The following REEP3 variants were observed in gnomAD, a reference collection of about 807,000 sequenced individuals.
REEP3 encodes the protein receptor expression-enhancing protein 3.
Under a neutral mutation model 41.3 loss-of-function variants are expected in REEP3, and 20 were observed. That is an observed-to-expected ratio of 0.48 (90% CI 0.34 to 0.70). The LOEUF is 0.70. Ranked by LOEUF, REEP3 falls within the 30% of genes least tolerant of loss-of-function variation. The pLI, the probability that REEP3 is intolerant of heterozygous loss-of-function variation, is 0.01. For synonymous variants in REEP3, 104 were observed against 101.8 expected, an observed-to-expected ratio of 1.02 and a Z score of -0.13; for missense variants, 271 against 308.8, an observed-to-expected ratio of 0.88 and a Z score of 0.92.
At chr10:63,604,184 G>A (rs772613149) in intron 5 of REEP3, among the ~76,000 whole-genome samples, 8 of 152,194 alleles carry the variant, frequency 5.3e-5, no homozygotes, top group South Asian at 2.1e-4. Context: ...TTATTACACC[G>A]TAAAGCAATT....
At position 63,594,769 on chromosome 10, in the gene REEP3, T is replaced by C. The variant is rs1368823626; in HGVS notation, c.106-9T>C. ...TCTGTTGTTTCATGAGTATTTTTAT[T>C]ATTTCCAGGTTCGATGGATGATGTA... is the stretch of plus-strand genomic sequence containing the variant. On this transcript the variant is annotated splice_polypyrimidine_tract_variant and intron_variant, in intron 2 of 7. Coordinates refer to ENST00000373758, the MANE Select transcript of REEP3 (RefSeq NM_001001330.3). The C allele has an allele frequency of 6.3e-7, 1 of 1,577,580 alleles. No individual in the cohort carries two copies. The highest frequency in any genetic ancestry group is 8.7e-7 in the Non-Finnish European group (1 of 1,146,858).
In REEP3 at chr10:63,566,425, AT is replaced by A. The variant is rs1242939118; in HGVS notation, c.105+16del. 1 of 1,340,236 alleles carries A rather than the reference AT, an allele frequency of 7.5e-7. No homozygotes were observed. Among genetic ancestry groups the A allele is most frequent in the African/African-American group, 1.5e-5 (1 of 68,698 alleles). The allele number at this position is 1,340,236 out of a possible 1,614,324, so 83.0% of individuals were successfully genotyped here. ...TGAAGGAATATGTAAGTATAGTTTTATGAGTGATTAATCTGAGTTTAATATT... is the reference window on the plus strand; with the variant it reads ...TGAAGGAATATGTAAGTATAGTTTTAGAGTGATTAATCTGAGTTTAATATT... On this transcript the variant is annotated intron_variant, in intron 2 of 7. Transcript: ENST00000373758.
At chr10:63,525,667 C>T (rs1202258346) in intron 1 of REEP3, among the ~76,000 whole-genome samples, 1 of 152,192 alleles carries the variant, frequency 6.6e-6, no homozygotes, top group East Asian at 1.9e-4. Flanking sequence ...GATCCTCCCA[C>T]CTCAGCCTCC....
intron 1 of REEP3, among the ~76,000 whole-genome samples, chr10:63,552,948 G>A (rs1229257012): frequency 1.3e-5 from 2 of 152,224 alleles, no homozygotes; most frequent in African/African-American, 4.8e-5. Context: ...TTTTCTTGTA[G>A]TAAGAAAGTA....
At chr10:63,614,151 A>G (rs1005026486) in intron 6 of REEP3, among the ~76,000 whole-genome samples, 2 of 152,206 alleles carry the variant, frequency 1.3e-5, no homozygotes, top group African/African-American at 2.4e-5. Context: ...CAAGAAATAT[A>G]TGAAAGAGAT....
intron 1 of REEP3, among the ~76,000 whole-genome samples, chr10:63,541,781 G>A (rs1169617309): frequency 1.3e-5 from 2 of 152,146 alleles, no homozygotes; most frequent in Non-Finnish European, 2.9e-5. Flanking sequence ...CTCAACAAAG[G>A]ATAGGCAATA....
intron 1 of REEP3, among the ~76,000 whole-genome samples, chr10:63,536,168 A>G (rs1955472203): frequency 6.6e-6 from 1 of 152,228 alleles, no homozygotes; most frequent in Non-Finnish European, 1.5e-5. Flanking sequence ...AAGTGGTCAC[A>G]CAGCTGCCAA....
At chr10:63,610,071 T>A (rs185029281) in intron 5 of REEP3, 116 bp from the exon 6 acceptor site, 183 of 832,260 alleles carry the variant, frequency 2.2e-4, no homozygotes, top group Non-Finnish European at 5.5e-6. Flanking sequence ...ATATTGGGTG[T>A]TCATTGTACA....
chr10:63,597,631 G>C (rs544860207), intron 3 of REEP3, among the ~76,000 whole-genome samples: 1 of 152,326 alleles, frequency 6.6e-6, no homozygotes, highest in South Asian at 2.1e-4. Context: ...CTTAGCATAG[G>C]CTGGGTGCTG....
intron 1 of REEP3, among the ~76,000 whole-genome samples, chr10:63,559,192 A>C (rs1168087540): frequency 1.3e-5 from 2 of 152,186 alleles, no homozygotes; most frequent in Non-Finnish European, 2.9e-5. Flanking sequence ...GGGAATTTGT[A>C]ATCTAAAGAA....
At chr10:63,540,319 G>A (rs918187744) in intron 1 of REEP3, among the ~76,000 whole-genome samples, 15 of 152,220 alleles carry the variant, frequency 9.9e-5, no homozygotes, top group African/African-American at 3.6e-4. Flanking sequence ...ACATATTTGT[G>A]AGATGGCTGT....
At chr10:63,532,519 G>T (rs2133341717) in intron 1 of REEP3, among the ~76,000 whole-genome samples, 1 of 152,092 alleles carries the variant, frequency 6.6e-6, no homozygotes, top group South Asian at 2.1e-4. Flanking sequence ...AAAATTATCC[G>T]GGCGTGTTGG....
At chr10:63,579,126 G>A (rs995708419) in intron 2 of REEP3, among the ~76,000 whole-genome samples, 1 of 151,612 alleles carries the variant, frequency 6.6e-6, no homozygotes, top group African/African-American at 2.4e-5. Context: ...CTGTCTCCCT[G>A]GTTCAAGCAG....
At chr10:63,608,206 G>T (rs1038514272) in intron 5 of REEP3, among the ~76,000 whole-genome samples, 11 of 152,200 alleles carry the variant, frequency 7.2e-5, no homozygotes, top group African/African-American at 2.4e-4. Context: ...ATAAGTAAAT[G>T]ATATCTAATA....
chr10:63,533,642 G>A (rs999636335), intron 1 of REEP3, among the ~76,000 whole-genome samples: 1 of 151,554 alleles, frequency 6.6e-6, no homozygotes, highest in Non-Finnish European at 1.5e-5. Context: ...GATCGTGAGT[G>A]AATGAAAGTA....
intron 1 of REEP3, among the ~76,000 whole-genome samples, chr10:63,559,012 G>A (rs1237521886): frequency 6.6e-6 from 1 of 151,474 alleles, no homozygotes; most frequent in African/African-American, 2.4e-5. Flanking sequence ...TTTTGTTGTT[G>A]TTTAGAAGCA....
chr10:63,531,044 A>G (rs1240587449), intron 1 of REEP3, among the ~76,000 whole-genome samples: 1 of 152,218 alleles, frequency 6.6e-6, no homozygotes, highest in Admixed American at 6.5e-5. Context: ...TACTGAAGTA[A>G]ATTTACCAGT....
At chr10:63,581,507 GAGGT>G (rs1465315944) in intron 2 of REEP3, among the ~76,000 whole-genome samples, 1 of 152,174 alleles carries the variant, frequency 6.6e-6, no homozygotes, top group African/African-American at 2.4e-5. Context: ...TTGGGAGGCT[GAGGT>G]AGGAGGATTG....
chr10:63,618,207 T>TATAACTTC (rs1229176673), intron 6 of REEP3, among the ~76,000 whole-genome samples: 1 of 151,330 alleles, frequency 6.6e-6, no homozygotes, highest in East Asian at 2.0e-4. Flanking sequence ...AAGGAGAATT[T>TATAACTTC]ATAACTTCAT....
Sources: gnomAD v4.1 joint callset for allele counts (sites outside exome capture counted in the v4.1 genomes callset) on GRCh38, gnomAD v4.1.1 for gene constraint, MANE v1.5 for transcripts, NCBI Gene and HGNC (gene_info 2026-07-23, HGNC 2026-07-21) for gene names.